SH3D19: variants seen among roughly 807,000 people sequenced by gnomAD.
The protein encoded by SH3D19 is SH3 domain-containing protein 19.
A neutral mutation model predicts 112.1 loss-of-function variants in SH3D19; 58 were observed. The observed-to-expected ratio is 0.52, with a 90% CI of 0.42 to 0.64. SH3D19 has a LOEUF of 0.64. SH3D19 is among the 30% of genes least tolerant of loss of function. The pLI, the probability that SH3D19 is intolerant of heterozygous loss-of-function variation, is 0.00. For synonymous variants in SH3D19, 391 were observed against 448.5 expected (o/e 0.87, Z 1.62); for missense variants, 1,090 against 1,263.4 (o/e 0.86, Z 2.08).
chr4:151,285,014 T>G (rs1774610636), intron 1 of SH3D19, among the ~76,000 whole-genome samples: 1 of 152,110 alleles, frequency 6.6e-6, no homozygotes, highest in South Asian at 2.1e-4. Context: ...CTCTAATTCC[T>G]CAAGTCAGTA....
chr4:151,130,398 T>C lies in SH3D19; in HGVS notation c.2742+1933A>G, dbSNP rs180804091. ...TTGCAGTGAGCTGAGACCTCGACAC[T>C]GCACTTAGCCTGGGCATCAGAGTGA... On this transcript the variant is annotated intron_variant, in intron 17 of 19. Transcript: ENST00000604030. 3.9e-5 allele frequency among the ~76,000 whole-genome samples: 6 copies of C among 152,084 alleles called. No individual in the cohort carries two copies. In the East Asian group the frequency reaches 1.2e-3, roughly 29 times the overall value.
At chr4:151,176,745 A>G in intron 5 of SH3D19, 58 bp from the exon 6 acceptor site, 1 of 1,228,736 alleles carries the variant, frequency 8.1e-7, no homozygotes, top group Non-Finnish European at 1.0e-6. Flanking sequence ...AGGTGTTGAC[A>G]GTCTCACTGT....
chr4:151,289,565 G>C (rs534691585), intron 1 of SH3D19, among the ~76,000 whole-genome samples: 10 of 152,294 alleles, frequency 6.6e-5, no homozygotes, highest in Non-Finnish European at 1.3e-4. Flanking sequence ...CATCTGAATA[G>C]ATATTTTTCT....
chr4:151,200,904 C>T (rs976394772), intron 2 of SH3D19, among the ~76,000 whole-genome samples: 1 of 152,146 alleles, frequency 6.6e-6, no homozygotes, highest in Non-Finnish European at 1.5e-5. Flanking sequence ...AACATATCAA[C>T]CAACATTCAT....
chr4:151,128,476 A>T (rs1260797888), intron 17 of SH3D19, 120 bp from the exon 18 acceptor site: 6 of 687,202 alleles, frequency 8.7e-6, no homozygotes. Context: ...CAAAGCCTGA[A>T]GGCTTCTTTA....
At chr4:151,293,473 C>CAA (rs569506630) in intron 1 of SH3D19, among the ~76,000 whole-genome samples, 3,922 of 100,818 alleles carry the variant, frequency 0.039, 162 homozygotes, top group African/African-American at 0.12. Flanking sequence ...ACTCCGTCTC[C>CAA]AAAAAAAAAA....
rs529685979 is a variant in SH3D19 at position 151,199,048 on chromosome 4, G to A, written c.153-11585C>T. Among the ~76,000 whole-genome samples the A allele has an allele frequency of 6.0e-5, 9 of 149,190 alleles. No individual in the cohort carries two copies. In the East Asian group the frequency reaches 1.8e-3, roughly 29 times the overall value. On this transcript the variant is annotated intron_variant, in intron 2 of 19. Transcript: ENST00000604030. ...TTTTTTTTTTTTTGCAAAGCCACTG[G>A]AGAACTTTCCCATTAGATACCAAGA...
intron 1 of SH3D19, among the ~76,000 whole-genome samples, chr4:151,313,033 G>C (rs1036968027): frequency 6.6e-6 from 1 of 151,074 alleles, no homozygotes; most frequent in African/African-American, 2.4e-5. Context: ...AGGTTGCACT[G>C]AGCCGGGATC....
At position 151,176,546 on chromosome 4, in the gene SH3D19, C is replaced by T. The variant is rs1235848709; in HGVS notation, c.517G>A (p.Asp173Asn). The T allele has an allele frequency of 1.7e-5, 21 of 1,231,988 alleles. No homozygotes were observed. Among genetic ancestry groups the T allele is most frequent in the Middle Eastern group, 6.2e-4 (2 of 3,230 alleles). The allele number at this position is 1,231,988 out of a possible 1,614,324, so 76.3% of individuals were successfully genotyped here. A position where few individuals can be genotyped will look rare whatever the true frequency, so the allele number is the denominator to read the frequency against. ...TTACTTGCATTACTTTGAGGCAGAT[C>T]GTTGTCTATTTCTTCTGAAAAGTCA... ...QTDFSEEIDN[D>N]LPQTLQAPLK... The change falls in exon 6 of 20, where the codon GAT becomes AAT. Residue 173 changes from aspartate to asparagine, a missense_variant. Coordinates refer to ENST00000604030, the MANE Select transcript of SH3D19 (RefSeq NM_001378122.1).
chr4:151,136,722 G>C (rs1242814878), intron 14 of SH3D19, among the ~76,000 whole-genome samples: 2 of 152,044 alleles, frequency 1.3e-5, no homozygotes, highest in Non-Finnish European at 2.9e-5. Context: ...TGCTACATTG[G>C]GCAGAAGAAA....
chr4:151,150,199 A>AG, intron 9 of SH3D19, among the ~76,000 whole-genome samples: 1 of 73,028 alleles, frequency 1.4e-5, no homozygotes, highest in East Asian at 4.9e-4. Context: ...AAAAAAAAAA[A>AG]AAAAAAAATA....
chr4:151,191,182 C>A (rs6823315), intron 2 of SH3D19, among the ~76,000 whole-genome samples: 3 of 152,168 alleles, frequency 2.0e-5, no homozygotes, highest in African/African-American at 4.8e-5. Context: ...AATGCCTGTA[C>A]GCCCATTGTA....
chr4:151,287,884 T>C (rs950035659), intron 1 of SH3D19, among the ~76,000 whole-genome samples: 1 of 152,160 alleles, frequency 6.6e-6, no homozygotes, highest in African/African-American at 2.4e-5. Context: ...CTCTCTCTTT[T>C]TTTATTTTTC....
In SH3D19 at chr4:151,189,248, G is replaced by A. The variant is rs565604588; in HGVS notation, c.153-1785C>T. On this transcript the variant is annotated intron_variant, in intron 2 of 19. Transcript: ENST00000604030. The stretch of plus-strand genomic sequence containing the variant: ...CCTGCCTCAGCCTCCCAAGCAGCTG[G>A]GACTACAGGCACCCACCACCATGCC... Among the ~76,000 whole-genome samples the A allele has an allele frequency of 9.2e-5, 14 of 152,066 alleles. No homozygotes were observed. The East Asian group carries it at 2.5e-3, about 27-fold the overall frequency.
intron 1 of SH3D19, among the ~76,000 whole-genome samples, chr4:151,243,614 G>A (rs907116461): frequency 2.0e-5 from 3 of 152,090 alleles, no homozygotes; most frequent in African/African-American, 7.2e-5. Context: ...TGGGTATGAG[G>A]GTCCTTCATA....
chr4:151,194,679 G>A (rs1005395686), intron 2 of SH3D19, among the ~76,000 whole-genome samples: 1 of 151,536 alleles, frequency 6.6e-6, no homozygotes, highest in Non-Finnish European at 1.5e-5. Context: ...GCCTCCCAAA[G>A]TGCTGGGATC....
chr4:151,314,693 G>T (rs1281423893), intron 1 of SH3D19, among the ~76,000 whole-genome samples: 1 of 152,194 alleles, frequency 6.6e-6, no homozygotes, highest in Admixed American at 6.5e-5. Context: ...AAACAAGGTA[G>T]AGTTTCTTAT....
intron 1 of SH3D19, among the ~76,000 whole-genome samples, chr4:151,253,805 G>A (rs546703264): frequency 2.0e-5 from 3 of 151,746 alleles, no homozygotes; most frequent in Non-Finnish European, 4.4e-5. Context: ...GTCATGTTCT[G>A]ACTTACAACT....
chr4:151,282,855 T>G (rs1774384104), intron 1 of SH3D19, among the ~76,000 whole-genome samples: 1 of 152,144 alleles, frequency 6.6e-6, no homozygotes, highest in African/African-American at 2.4e-5. Flanking sequence ...ATACCTTTAC[T>G]CAATCAGAAT....
Sources: gnomAD v4.1 joint callset for allele counts (sites outside exome capture counted in the v4.1 genomes callset) on GRCh38, gnomAD v4.1.1 for gene constraint, MANE v1.5 for transcripts, NCBI Gene and HGNC (gene_info 2026-07-23, HGNC 2026-07-21) for gene names.